Variants in IL6R observed in about 807,000 individuals in gnomAD.
IL6R encodes interleukin-6 receptor subunit alpha.
In IL6R, 38 loss-of-function variants were observed where a neutral mutation model predicts 48.3. That is an observed-to-expected ratio of 0.79 (90% CI 0.61 to 1.03). The LOEUF is 1.03. Among genes scored for constraint, IL6R ranks in the 50% least tolerant of loss-of-function variants. The probability of loss-of-function intolerance (pLI) is 0.00; values close to 1 mark genes in which losing one functional copy is unlikely to be tolerated. For missense variants in IL6R, 534 were observed against 618.3 expected (o/e 0.86, Z 1.45); for synonymous variants, 264 against 256.2 (o/e 1.03, Z -0.29).
intron 1 of IL6R, among the ~76,000 whole-genome samples, chr1:154,422,760 G>GC: frequency 6.6e-6 from 1 of 152,328 alleles, no homozygotes; most frequent in South Asian, 2.1e-4. Flanking sequence ...GTCTCCTAGG[G>GC]CCTACTATGC....
At chr1:154,406,223 G>A (rs1463006355) in intron 1 of IL6R, among the ~76,000 whole-genome samples, 1 of 152,112 alleles carries the variant, frequency 6.6e-6, no homozygotes, top group Non-Finnish European at 1.5e-5. Flanking sequence ...ACAGTGCCCT[G>A]ACTATGAAGG....
chr1:154,464,301 C>T (rs1284534860), intron 9 of IL6R, among the ~76,000 whole-genome samples: 3 of 152,014 alleles, frequency 2.0e-5, no homozygotes, highest in African/African-American at 7.2e-5. Context: ...ATTACAGGTG[C>T]CTGCCACTAC....
chr1:154,456,818 G>C (rs1690915111), intron 9 of IL6R, among the ~76,000 whole-genome samples: 1 of 152,150 alleles, frequency 6.6e-6, no homozygotes, highest in South Asian at 2.1e-4. Context: ...GTTGGGGATA[G>C]GGCTGAACCC....
intron 1 of IL6R, among the ~76,000 whole-genome samples, chr1:154,415,699 C>T (rs906687594): frequency 3.9e-5 from 6 of 152,150 alleles, no homozygotes; most frequent in Admixed American, 2.6e-4. Flanking sequence ...AATGTATCAG[C>T]CGGGTGCAGT....
chr1:154,455,417 TTTTTTC>T (rs200867955), intron 9 of IL6R, among the ~76,000 whole-genome samples: 63 of 151,444 alleles, frequency 4.2e-4, no homozygotes, highest in African/African-American at 1.5e-3. Flanking sequence ...CTGTTGGAGT[TTTTTTC>T]TTTTTCTTTT....
chr1:154,420,396 A>G (rs1255771768), intron 1 of IL6R, among the ~76,000 whole-genome samples: 1 of 151,932 alleles, frequency 6.6e-6, no homozygotes, highest in Non-Finnish European at 1.5e-5. Context: ...TGACGTGCCC[A>G]TGGCTGCCTG....
intron 9 of IL6R, among the ~76,000 whole-genome samples, chr1:154,455,111 A>G (rs1482308306): frequency 6.6e-6 from 1 of 152,126 alleles, no homozygotes. Context: ...ATGAGGTTTC[A>G]TGTTGCCCAG....
intron 9 of IL6R, among the ~76,000 whole-genome samples, chr1:154,457,049 A>G (rs946010372): frequency 6.6e-6 from 1 of 152,026 alleles, no homozygotes. Flanking sequence ...AGGTATTTTC[A>G]TGGTAGCTAA....
At chr1:154,433,754 A>G (rs1262690169) in intron 3 of IL6R, among the ~76,000 whole-genome samples, 1 of 149,632 alleles carries the variant, frequency 6.7e-6, no homozygotes, top group African/African-American at 2.5e-5. Context: ...TTTGAGATGG[A>G]GTCTCTGTCG....
chr1:154,423,783 C>T (rs1570940742), intron 1 of IL6R, among the ~76,000 whole-genome samples: 1 of 152,154 alleles, frequency 6.6e-6, no homozygotes, highest in Non-Finnish European at 1.5e-5. Flanking sequence ...AAAGCCATTA[C>T]TCAAGTTCCT....
intron 6 of IL6R, among the ~76,000 whole-genome samples, chr1:154,445,527 G>A (rs918947141): frequency 6.6e-6 from 1 of 152,118 alleles, no homozygotes; most frequent in East Asian, 1.9e-4. Flanking sequence ...GAGGCGGGCG[G>A]ATCACCAGGT....
chr1:154,414,959 G>T, intron 1 of IL6R: 1 of 1,344,992 alleles, frequency 7.4e-7, no homozygotes, highest in Non-Finnish European at 1.0e-6. Context: ...ATGCTCCACT[G>T]GCCCCGATCT....
In IL6R at chr1:154,415,849, G is replaced by A. The variant is rs527493128; in HGVS notation, c.85+10135G>A. ...CAAAAAGTAGCCAGCTGTGGTGACA[G>A]GCACCTGTAATCCCAGCTACTCCGG... On this transcript the variant is annotated intron_variant, in intron 1 of 9. Transcript: ENST00000368485. Among the ~76,000 whole-genome samples, 58 of 152,118 alleles carry A rather than the reference G, an allele frequency of 3.8e-4. 1 individual carries two copies. The South Asian group carries it at 0.012, about 30-fold the overall frequency.
intron 3 of IL6R, among the ~76,000 whole-genome samples, chr1:154,431,948 T>A (rs937275725): frequency 1.3e-5 from 2 of 152,220 alleles, no homozygotes; most frequent in Non-Finnish European, 2.9e-5. Flanking sequence ...TCCCATTTAA[T>A]ATTTTTGGAC....
chr1:154,407,824 G>C (rs989609261), intron 1 of IL6R, among the ~76,000 whole-genome samples: 2 of 152,204 alleles, frequency 1.3e-5, no homozygotes, highest in African/African-American at 4.8e-5. Context: ...CTGGGACTTA[G>C]GCTTCTGCCG....
At chr1:154,409,842 C>T (rs1039181634) in intron 1 of IL6R, among the ~76,000 whole-genome samples, 10 of 152,060 alleles carry the variant, frequency 6.6e-5, no homozygotes, top group African/African-American at 2.4e-4. Flanking sequence ...AAACTAAAGC[C>T]GAGAGGGAGA....
chr1:154,409,843 G>A (rs749977022), intron 1 of IL6R, among the ~76,000 whole-genome samples: 4 of 152,160 alleles, frequency 2.6e-5, no homozygotes, highest in African/African-American at 4.8e-5. Flanking sequence ...AACTAAAGCC[G>A]AGAGGGAGAC....
chr1:154,431,785 G>A (rs1266171282), intron 3 of IL6R, among the ~76,000 whole-genome samples: 9 of 152,194 alleles, frequency 5.9e-5, no homozygotes, highest in Admixed American at 5.9e-4. Flanking sequence ...GATGATGGCG[G>A]TGGATGTCAG....
intron 6 of IL6R, among the ~76,000 whole-genome samples, chr1:154,437,858 T>G (rs1378172028): frequency 6.7e-6 from 1 of 150,000 alleles, no homozygotes; most frequent in Non-Finnish European, 1.5e-5. Context: ...GGACTACAGG[T>G]GCACACCACC....
Sources: gnomAD v4.1 joint callset for allele counts (sites outside exome capture counted in the v4.1 genomes callset) on GRCh38, gnomAD v4.1.1 for gene constraint, MANE v1.5 for transcripts, NCBI Gene and HGNC (gene_info 2026-07-23, HGNC 2026-07-21) for gene names.